The following CCDC178 variants were observed in gnomAD, a reference collection of about 807,000 sequenced individuals.
The protein encoded by CCDC178 is coiled-coil domain containing 178, also known as coiled-coil domain-containing protein 178.
A neutral mutation model predicts 117.4 loss-of-function variants in CCDC178; 126 were observed. The observed-to-expected ratio is 1.07, with a 90% CI of 0.93 to 1.24. The LOEUF is 1.24. CCDC178 is among the 50% of genes most tolerant of loss of function. The pLI is 0.00. For synonymous variants in CCDC178, 283 were observed against 313.4 expected (o/e 0.90, Z 1.02); for missense variants, 1,030 against 986.9 (o/e 1.04, Z -0.59).
At chr18:33,271,710 C>G (rs1048433556) in intron 12 of CCDC178, among the ~76,000 whole-genome samples, 10 of 151,360 alleles carry the variant, frequency 6.6e-5, no homozygotes, top group Non-Finnish European at 1.0e-4. Flanking sequence ...ATGCAAAGTG[C>G]CTTCTCCAGC....
chr18:33,412,560 T>A (rs998136995), intron 2 of CCDC178, among the ~76,000 whole-genome samples: 5 of 152,144 alleles, frequency 3.3e-5, no homozygotes, highest in African/African-American at 1.2e-4. Context: ...TATATCTCCA[T>A]CAACCAATTT....
intron 9 of CCDC178, among the ~76,000 whole-genome samples, chr18:33,336,117 C>T (rs377389764): frequency 7.2e-5 from 11 of 152,168 alleles, no homozygotes; most frequent in South Asian, 2.1e-4. Flanking sequence ...TAGTACATTA[C>T]GAATGTTCAG....
chr18:33,132,214 A>G (rs1022340717), intron 20 of CCDC178, among the ~76,000 whole-genome samples: 5 of 151,772 alleles, frequency 3.3e-5, no homozygotes, highest in Non-Finnish European at 1.5e-5. Context: ...TTCTGTGGAA[A>G]TATCTCCAGG....
At chr18:33,084,343 T>C (rs1401457626) in intron 21 of CCDC178, among the ~76,000 whole-genome samples, 2 of 152,222 alleles carry the variant, frequency 1.3e-5, no homozygotes, top group African/African-American at 2.4e-5. Flanking sequence ...GGTATTGCTA[T>C]GGCATGTGCT....
intron 20 of CCDC178, among the ~76,000 whole-genome samples, chr18:33,154,804 G>T (rs2058376366): frequency 6.6e-6 from 1 of 152,062 alleles, no homozygotes; most frequent in Admixed American, 6.6e-5. Context: ...CAGTGATAAA[G>T]GTCATTTTAT....
At chr18:33,067,138 A>G (rs1446149517) in intron 21 of CCDC178, among the ~76,000 whole-genome samples, 1 of 152,234 alleles carries the variant, frequency 6.6e-6, no homozygotes, top group East Asian at 1.9e-4. Context: ...TAAAAGGTCA[A>G]AATCATGTCA....
chr18:33,386,272 G>C (rs140859033), intron 5 of CCDC178, among the ~76,000 whole-genome samples: 3 of 152,280 alleles, frequency 2.0e-5, no homozygotes, highest in African/African-American at 7.2e-5. Context: ...AATTCTACCA[G>C]AGGTAAAAAG....
intron 20 of CCDC178, among the ~76,000 whole-genome samples, chr18:33,137,896 G>T (rs2058148569): frequency 6.6e-6 from 1 of 152,164 alleles, no homozygotes; most frequent in African/African-American, 2.4e-5. Context: ...CCTATGTAAG[G>T]CTACTATTGA....
chr18:33,306,484 T>C (rs2062253148), intron 11 of CCDC178, among the ~76,000 whole-genome samples: 1 of 143,210 alleles, frequency 7.0e-6, no homozygotes, highest in Non-Finnish European at 1.5e-5. Context: ...TTATATATAA[T>C]ATATGGTTAT....
At position 33,245,271 on chromosome 18, in the gene CCDC178, T is replaced by G; in HGVS notation, c.1567A>C (p.Ile523Leu). The change falls in exon 15 of 23, where the codon ATA becomes CTA. Residue 523 changes from isoleucine (I) to leucine (L), a missense_variant. Physicochemically the swap from Ile to Leu is conservative, Grantham distance 5 (BLOSUM62 2). Transcript: ENST00000383096. ...KHKTDEMEDK[I>L]AEVRRKFKGR... is the part of the protein sequence containing the mutation. ...TTGAACTTTCTTCTCACTTCTGCTA[T>G]TTTATCTTCCATTTCATCTGTCTTG... 2.5e-6 allele frequency: 4 copies of G among 1,594,180 alleles called. No individual in the cohort carries two copies. Among genetic ancestry groups the G allele is most frequent in the East Asian group, 2.3e-5 (1 of 44,174 alleles).
At chr18:33,356,384 A>T in intron 6 of CCDC178, 38 bp from the exon 7 acceptor site, 1 of 1,435,602 alleles carries the variant, frequency 7.0e-7, no homozygotes, top group Non-Finnish European at 9.4e-7. Flanking sequence ...ATCAAATCTT[A>T]AACATATTAA....
rs146428971 is a variant in CCDC178, at chr18:33,285,197, G to A, written c.1176+7962C>T. 7.3e-3 allele frequency among the ~76,000 whole-genome samples: 1,115 copies of A among 152,026 alleles called. 9 individuals are homozygous for A. The highest frequency in any genetic ancestry group is 0.026 in the African/African-American group (1,064 of 41,478). On this transcript the variant is annotated intron_variant, in intron 12 of 22. Coordinates refer to ENST00000383096, the MANE Select transcript of CCDC178 (RefSeq NM_001105528.4). Reference sequence around the variant, plus strand: ...CAGCAAAAATGGAAGCAAGCATTCCGCGTCATGCTATGGTAATATATTTGA... The same window carrying A: ...CAGCAAAAATGGAAGCAAGCATTCCACGTCATGCTATGGTAATATATTTGA...
chr18:33,413,071 A>G (rs780762712), intron 2 of CCDC178, among the ~76,000 whole-genome samples: 12 of 152,340 alleles, frequency 7.9e-5, no homozygotes, highest in Middle Eastern at 3.4e-3. Context: ...CAGAAAGAAA[A>G]TAATTCTATA....
intron 20 of CCDC178, among the ~76,000 whole-genome samples, chr18:33,147,721 G>T (rs1318749795): frequency 1.3e-5 from 2 of 152,138 alleles, no homozygotes; most frequent in African/African-American, 2.4e-5. Context: ...CAAGGCACAA[G>T]AATTTTTCTT....
intron 21 of CCDC178, among the ~76,000 whole-genome samples, chr18:32,982,279 A>T (rs1019982654): frequency 6.6e-6 from 1 of 152,120 alleles, no homozygotes; most frequent in African/African-American, 2.4e-5. Flanking sequence ...CTTATAATGA[A>T]TTTCTCCTTA....
intron 20 of CCDC178, among the ~76,000 whole-genome samples, chr18:33,104,034 GTGCCAA>G (rs1389642668): frequency 2.0e-5 from 3 of 151,780 alleles, no homozygotes; most frequent in African/African-American, 7.2e-5. Flanking sequence ...ATAAAGGAAA[GTGCCAA>G]TGGGCAATTT....
intron 5 of CCDC178, among the ~76,000 whole-genome samples, chr18:33,371,248 T>A (rs1461023116): frequency 1.3e-5 from 2 of 151,744 alleles, no homozygotes; most frequent in African/African-American, 2.4e-5. Context: ...CAGTCTATTC[T>A]ACAATGTTCG....
chr18:33,288,821 A>T (rs2060133131), intron 12 of CCDC178, among the ~76,000 whole-genome samples: 1 of 152,216 alleles, frequency 6.6e-6, no homozygotes, highest in Admixed American at 6.5e-5. Flanking sequence ...TCAAACAGAC[A>T]TTATATTATG....
At chr18:33,176,008 A>G (rs1385858030) in intron 20 of CCDC178, among the ~76,000 whole-genome samples, 1 of 151,924 alleles carries the variant, frequency 6.6e-6, no homozygotes, top group African/African-American at 2.4e-5. Context: ...CAGGACACCT[A>G]TGTAGTTAAG....
Sources: allele counts gnomAD v4.1 joint callset (sites outside exome capture counted in the v4.1 genomes callset), GRCh38; gene constraint gnomAD v4.1.1; transcripts MANE v1.5; gene names NCBI Gene and HGNC (gene_info 2026-07-23, HGNC 2026-07-21).